Variants in ARHGAP15 observed in about 807,000 individuals in gnomAD.
ARHGAP15 encodes the protein Rho GTPase activating protein 15, also known as rho GTPase-activating protein 15.
A neutral mutation model predicts 63.7 loss-of-function variants in ARHGAP15; 51 were observed. The ratio of observed to expected loss-of-function variants is 0.80; its 90% CI spans 0.64 to 1.01. The LOEUF is 1.01. ARHGAP15 is among the 50% of genes least tolerant of loss of function. ARHGAP15 has a pLI of 0.00. For synonymous variants in ARHGAP15, 191 were observed against 193.8 expected (o/e 0.99, Z 0.12); for missense variants, 560 against 564.6 (o/e 0.99, Z 0.08).
chr2:143,332,591 A>G (rs1442339642), intron 6 of ARHGAP15, among the ~76,000 whole-genome samples: 1 of 152,176 alleles, frequency 6.6e-6, no homozygotes, highest in East Asian at 1.9e-4. Context: ...TTTCTATTCA[A>G]ATATCAAAGT....
At chr2:143,176,747 G>A (rs993307070) in intron 2 of ARHGAP15, among the ~76,000 whole-genome samples, 2 of 152,226 alleles carry the variant, frequency 1.3e-5, no homozygotes, top group African/African-American at 4.8e-5. Context: ...AGTTTGGGCA[G>A]GATTCACAAG....
intron 6 of ARHGAP15, among the ~76,000 whole-genome samples, chr2:143,302,434 T>G (rs1346350224): frequency 6.6e-6 from 1 of 152,080 alleles, no homozygotes; most frequent in East Asian, 1.9e-4. Context: ...AAAATAATTC[T>G]GACACTTTAT....
chr2:143,467,701 A>T (rs186620391), intron 8 of ARHGAP15, among the ~76,000 whole-genome samples: 2 of 152,234 alleles, frequency 1.3e-5, no homozygotes, highest in East Asian at 3.9e-4. Context: ...AGGCTTATAG[A>T]TCTTATAGAC....
chr2:143,315,361 A>G (rs544886140), intron 6 of ARHGAP15, among the ~76,000 whole-genome samples: 2 of 152,300 alleles, frequency 1.3e-5, no homozygotes, highest in African/African-American at 4.8e-5. Context: ...AATTTTCTTA[A>G]TTTATCCTAG....
At chr2:143,591,705 C>T (rs573641961) in intron 11 of ARHGAP15, among the ~76,000 whole-genome samples, 16 of 151,452 alleles carry the variant, frequency 1.1e-4, no homozygotes, top group Admixed American at 7.9e-4. Flanking sequence ...ACGCAACCTC[C>T]GCCTCTCAGG....
At chr2:143,523,878 A>C (rs1243234089) in intron 10 of ARHGAP15, among the ~76,000 whole-genome samples, 1 of 152,152 alleles carries the variant, frequency 6.6e-6, no homozygotes, top group Non-Finnish European at 1.5e-5. Flanking sequence ...AAAAAGGATT[A>C]GGAAGAGAAA....
intron 6 of ARHGAP15, among the ~76,000 whole-genome samples, chr2:143,259,128 T>G (rs565116022): frequency 3.3e-4 from 51 of 152,254 alleles, no homozygotes; most frequent in Non-Finnish European, 6.2e-4. Flanking sequence ...CTGCGATAGA[T>G]TTGAAATCAA....
chr2:143,147,194 C>T (rs907373871), intron 1 of ARHGAP15, among the ~76,000 whole-genome samples: 8 of 152,042 alleles, frequency 5.3e-5, no homozygotes, highest in African/African-American at 1.7e-4. Flanking sequence ...AGAGAAGTAG[C>T]CTGTCCCAGT....
At chr2:143,626,666 G>A (rs954835116) in intron 12 of ARHGAP15, among the ~76,000 whole-genome samples, 7 of 152,034 alleles carry the variant, frequency 4.6e-5, no homozygotes, top group Non-Finnish European at 7.4e-5. Flanking sequence ...TCCTCCCCGC[G>A]ATTGGCTACT....
rs183145662 is a variant in ARHGAP15, at chr2:143,416,981, G to C, written c.475-18620G>C. Among the ~76,000 whole-genome samples the C allele has an allele frequency of 2.6e-5, 4 of 152,152 alleles. No homozygotes were observed. In the East Asian group the frequency reaches 7.7e-4, roughly 29 times the overall value. On this transcript the variant is annotated intron_variant, in intron 6 of 13. Coordinates refer to ENST00000295095, the MANE Select transcript of ARHGAP15 (RefSeq NM_018460.4). ...ATTCGCTTTTCAGGGATTCTGGCAG[G>C]CGTTTTCACTCTAATAGGGATTCTG...
intron 5 of ARHGAP15, among the ~76,000 whole-genome samples, chr2:143,246,270 A>AAATCAAT (rs985355024): frequency 1.3e-5 from 2 of 151,950 alleles, no homozygotes; most frequent in Non-Finnish European, 2.9e-5. Flanking sequence ...AGTAAATGAG[A>AAATCAAT]AATCAATATT....
intron 6 of ARHGAP15, among the ~76,000 whole-genome samples, chr2:143,386,006 A>G (rs917961662): frequency 2.0e-5 from 3 of 152,060 alleles, no homozygotes; most frequent in African/African-American, 7.3e-5. Flanking sequence ...TTCTTAGGAC[A>G]TCTTAACTTT....
chr2:143,389,106 C>CATTATTATTATT (rs10548238), intron 6 of ARHGAP15, among the ~76,000 whole-genome samples: 3 of 146,062 alleles, frequency 2.1e-5, no homozygotes, highest in East Asian at 2.0e-4. Flanking sequence ...TTTACTCAGA[C>CATTATTATTATT]ATTATTATTA....
chr2:143,457,376 A>C (rs1370691338), intron 8 of ARHGAP15, among the ~76,000 whole-genome samples: 1 of 151,966 alleles, frequency 6.6e-6, no homozygotes, highest in Non-Finnish European at 1.5e-5. Flanking sequence ...CAGTCTCCAC[A>C]AAAAATAAAA....
chr2:143,382,727 C>T (rs1687113808), intron 6 of ARHGAP15, among the ~76,000 whole-genome samples: 1 of 152,114 alleles, frequency 6.6e-6, no homozygotes, highest in South Asian at 2.1e-4. Flanking sequence ...CAGCTTTTAG[C>T]AATTGGGAAG....
intron 11 of ARHGAP15, among the ~76,000 whole-genome samples, chr2:143,556,699 T>G (rs1695814667): frequency 6.6e-6 from 1 of 151,912 alleles, no homozygotes; most frequent in South Asian, 2.1e-4. Context: ...ATAGTCTATG[T>G]GAAATAAATA....
chr2:143,496,028 T>C (rs1692799707), intron 9 of ARHGAP15, among the ~76,000 whole-genome samples: 1 of 152,228 alleles, frequency 6.6e-6, no homozygotes, highest in African/African-American at 2.4e-5. Context: ...AAAATTGAAC[T>C]GTGATCTTTA....
chr2:143,155,439 A>T, intron 1 of ARHGAP15, 38 bp from the exon 2 acceptor site: 1 of 1,485,626 alleles, frequency 6.7e-7, no homozygotes, highest in Non-Finnish European at 9.0e-7. Flanking sequence ...GGAAAATTGT[A>T]TGTTTAGAAT....
intron 12 of ARHGAP15, among the ~76,000 whole-genome samples, chr2:143,632,294 C>A (rs1055247184): frequency 6.6e-6 from 1 of 151,938 alleles, no homozygotes; most frequent in African/African-American, 2.4e-5. Flanking sequence ...GTGTTTTTTT[C>A]TGGCTTGACT....
Sources: allele counts gnomAD v4.1 joint callset (sites outside exome capture counted in the v4.1 genomes callset), GRCh38; gene constraint gnomAD v4.1.1; transcripts MANE v1.5; gene names NCBI Gene and HGNC (gene_info 2026-07-23, HGNC 2026-07-21).